Variants in CHLSN observed in about 807,000 individuals in gnomAD.
CHLSN encodes the protein protein cholesin.
At chr7:984,621 C>G in the CHLSN span, 11 of 1,528,116 alleles carry the variant, frequency 7.2e-6, no homozygotes, top group African/African-American at 1.1e-4. Context: ...GTGGGGGCAC[C>G]TGGACCCCAG....
chr7:987,079 C>A, the CHLSN span: 1 of 1,485,548 alleles, frequency 6.7e-7, no homozygotes, highest in Non-Finnish European at 9.0e-7. Context: ...CCAGATCATC[C>A]CACGAGCCCT....
At chr7:1,001,019 G>T in the CHLSN span, among the ~76,000 whole-genome samples, 3 of 152,218 alleles carry the variant, frequency 2.0e-5, no homozygotes, top group African/African-American at 4.8e-5. Context: ...GCAGCTCCCG[G>T]CTGCTAGAGG....
the CHLSN span, among the ~76,000 whole-genome samples, chr7:1,085,861 A>G: frequency 6.6e-6 from 1 of 152,012 alleles, no homozygotes; most frequent in Non-Finnish European, 1.5e-5. Flanking sequence ...AAAAATCGGC[A>G]AAAGGTCTCT....
chr7:1,011,159 C>CCACCCACACCCACCATA, the CHLSN span, among the ~76,000 whole-genome samples: 1 of 149,086 alleles, frequency 6.7e-6, no homozygotes, highest in African/African-American at 2.5e-5. Context: ...CGACCCACAC[C>CCACCCACACCCACCATA]CACCCACACC....
the CHLSN span, among the ~76,000 whole-genome samples, chr7:1,130,476 T>C: frequency 1.3e-5 from 2 of 151,990 alleles, no homozygotes; most frequent in Non-Finnish European, 2.9e-5. Flanking sequence ...CTGCATGGGC[T>C]CACTCATGCA....
chr7:1,127,895 C>G, the CHLSN span, among the ~76,000 whole-genome samples: 196 of 64,316 alleles, frequency 3.0e-3, 29 homozygotes, highest in Admixed American at 0.023. Flanking sequence ...GATCTCGGCT[C>G]ATCCCACCGT....
At chr7:1,036,503 G>A in the CHLSN span, among the ~76,000 whole-genome samples, 7 of 151,028 alleles carry the variant, frequency 4.6e-5, no homozygotes, top group Non-Finnish European at 7.4e-5. Flanking sequence ...TGTGGGGTTC[G>A]GGTGCTCGTG....
the CHLSN span, chr7:1,028,410 C>A: frequency 1.0e-6 from 1 of 986,090 alleles, no homozygotes; most frequent in Non-Finnish European, 1.2e-6. Context: ...CCAGATCCAG[C>A]CGGCTGGACC....
chr7:988,850 G>T, the CHLSN span: 1 of 1,385,298 alleles, frequency 7.2e-7, no homozygotes, highest in South Asian at 1.3e-5. Flanking sequence ...AGGTCCTCCT[G>T]ACCACTCCCC....
At chr7:1,129,145 A>G in the CHLSN span, among the ~76,000 whole-genome samples, 41 of 25,234 alleles carry the variant, frequency 1.6e-3, 1 homozygote, top group East Asian at 0.032. Flanking sequence ...GCGCGATCTC[A>G]GCTCATCTCA....
At chr7:979,491 C>T in the CHLSN span, among the ~76,000 whole-genome samples, 2 of 152,092 alleles carry the variant, frequency 1.3e-5, no homozygotes, top group Admixed American at 1.3e-4. Flanking sequence ...GTGGCTCACA[C>T]CTATAATCCC....
the CHLSN span, among the ~76,000 whole-genome samples, chr7:1,094,004 C>T: frequency 6.6e-5 from 10 of 152,336 alleles, no homozygotes; most frequent in South Asian, 2.1e-4. Context: ...TCCAAAATGC[C>T]GTGGGGGCAC....
the CHLSN span, among the ~76,000 whole-genome samples, chr7:1,037,454 C>T: frequency 5.4e-3 from 689 of 127,146 alleles, 11 homozygotes; most frequent in African/African-American, 0.019. Context: ...CTGTGTTGGC[C>T]GGGCCGGTCT....
the CHLSN span, chr7:988,748 C>A: frequency 1.3e-6 from 2 of 1,599,294 alleles, no homozygotes; most frequent in Admixed American, 3.3e-5. Flanking sequence ...TCCGGCCTCC[C>A]TGGACACCAC....
At chr7:1,127,142 C>A in the CHLSN span, 1 of 1,292,140 alleles carries the variant, frequency 7.7e-7, no homozygotes, top group Admixed American at 2.9e-5. Context: ...CGCCTCCGCA[C>A]CTGTTCCAGG....
At chr7:1,094,289 T>G in the CHLSN span, among the ~76,000 whole-genome samples, 1 of 152,212 alleles carries the variant, frequency 6.6e-6, no homozygotes. Context: ...GTTAACAAGG[T>G]GCACCTGAAC....
At chr7:1,017,487 G>A in the CHLSN span, among the ~76,000 whole-genome samples, 21 of 152,204 alleles carry the variant, frequency 1.4e-4, no homozygotes, top group Non-Finnish European at 5.9e-5. Context: ...GCCGGGTGAC[G>A]GGGCCAGGGC....
the CHLSN span, among the ~76,000 whole-genome samples, chr7:1,059,526 C>CGGGTCTTAGGT: frequency 7.5e-6 from 1 of 133,406 alleles, no homozygotes; most frequent in Non-Finnish European, 1.6e-5. Context: ...TGTAGTGAGG[C>CGGGTCTTAGGT]GGGTCTTAGT....
the CHLSN span, among the ~76,000 whole-genome samples, chr7:1,100,477 G>A: frequency 6.6e-6 from 1 of 152,234 alleles, no homozygotes; most frequent in Admixed American, 6.5e-5. Context: ...CATCTCCGCG[G>A]CAGGAGCTTC....
Sources: allele counts gnomAD v4.1 joint callset (sites outside exome capture counted in the v4.1 genomes callset), GRCh38; gene constraint gnomAD v4.1.1; transcripts MANE v1.5; gene names NCBI Gene and HGNC (gene_info 2026-07-23, HGNC 2026-07-21).